NPAT: variants seen among roughly 807,000 people sequenced by gnomAD.
The protein encoded by NPAT is nuclear protein, coactivator of histone transcription, also known as protein NPAT.
In NPAT, 52 loss-of-function variants were observed where a neutral mutation model predicts 130.7. The observed-to-expected ratio is 0.40, with a 90% CI of 0.32 to 0.50. The LOEUF (loss-of-function observed/expected upper bound fraction) is 0.50, where lower values mean the gene tolerates loss of function less well. Among genes scored for constraint, NPAT ranks in the 20% least tolerant of loss-of-function variants. NPAT has a pLI of 0.68. For synonymous variants in NPAT, 580 were observed against 584.8 expected (o/e 0.99, Z 0.12); for missense variants, 1,687 against 1,662.6 (o/e 1.01, Z -0.26).
In NPAT at chr11:108,160,920, A is replaced by C; in HGVS notation, c.4166T>G (p.Leu1389Arg). ...ERNSRPSSKN[L>R]TNSSIPMKKK... ...TTTCATTGGTATTGATGAATTTGTA[A>C]GATTTTTACTAGAAGGACGAGAGTT... is the stretch of plus-strand genomic sequence containing the variant. The change falls in exon 17 of 18, where the codon CTT (leucine) becomes CGT (arginine). Residue 1389 changes from leucine (L) to arginine (R), a missense_variant. Leu to Arg is a moderately radical substitution (Grantham distance 102). This residue lies in a region of NPAT where 1,379 missense variants were observed against 1,346.6 expected (regional missense o/e 1.02). Coordinates refer to ENST00000278612, the MANE Select transcript of NPAT (RefSeq NM_002519.3). 1.2e-6 allele frequency: 2 copies of C among 1,614,094 alleles called. No homozygotes were observed. Among genetic ancestry groups the C allele is most frequent in the Non-Finnish European group, 1.7e-6 (2 of 1,180,010 alleles).
At chr11:108,166,492 G>A (rs1182713108) in intron 15 of NPAT, among the ~76,000 whole-genome samples, 2 of 151,976 alleles carry the variant, frequency 1.3e-5, no homozygotes, top group African/African-American at 4.8e-5. Flanking sequence ...TTTACTTTTA[G>A]GTCTTTAATC....
Position 108,185,511 on chromosome 11 carries a change from C to T in NPAT, c.727-17G>A, listed in dbSNP as rs1187553361. Reference sequence around the variant, plus strand: ...AACCATTTGCTGGAAAAGAAAGCCACTGTTAGCAAAAGGACAATAAAGAGT... The same window carrying T: ...AACCATTTGCTGGAAAAGAAAGCCATTGTTAGCAAAAGGACAATAAAGAGT... On this transcript the variant is annotated splice_polypyrimidine_tract_variant and intron_variant, in intron 8 of 17. Transcript: ENST00000278612. 6.6e-7 allele frequency: 1 copy of T among 1,511,862 alleles called. No homozygotes were observed. Among genetic ancestry groups the T allele is most frequent in the Non-Finnish European group, 9.2e-7 (1 of 1,089,334 alleles). The allele number at this position is 1,511,862 out of a possible 1,614,324, so 93.7% of individuals were successfully genotyped here. A position where few individuals can be genotyped will look rare whatever the true frequency, so the allele number is the denominator to read the frequency against.
At chr11:108,171,124 AT>A (rs63478164) in intron 13 of NPAT, 2,070 of 95,832 alleles carry the variant, frequency 0.022, 12 homozygotes, top group African/African-American at 0.064. Context: ...TGAAAAAAGG[AT>A]TTTTTTTTTT....
chr11:108,197,736 A>AT (rs2078237486), intron 1 of NPAT, among the ~76,000 whole-genome samples: 1 of 152,270 alleles, frequency 6.6e-6, no homozygotes, highest in South Asian at 2.1e-4. Flanking sequence ...CCTCTACTGC[A>AT]TAACTTCCAT....
At chr11:108,212,996 G>A (rs553968447) in intron 1 of NPAT, among the ~76,000 whole-genome samples, 20 of 147,612 alleles carry the variant, frequency 1.4e-4, no homozygotes, top group Non-Finnish European at 2.5e-4. Context: ...CTCCCTGGGC[G>A]GGGCATGGTG....
intron 7 of NPAT, among the ~76,000 whole-genome samples, chr11:108,187,168 T>C (rs1339948662): frequency 1.3e-5 from 2 of 152,224 alleles, no homozygotes; most frequent in Non-Finnish European, 2.9e-5. Flanking sequence ...TGCTCTTTTA[T>C]GGCTGGGCAT....
At chr11:108,217,688 A>C (rs968994048) in intron 1 of NPAT, among the ~76,000 whole-genome samples, 1 of 152,148 alleles carries the variant, frequency 6.6e-6, no homozygotes, top group Non-Finnish European at 1.5e-5. Flanking sequence ...GATGAATGAA[A>C]ATCCAAATAT....
chr11:108,191,408 C>T (rs1000770827), intron 4 of NPAT, among the ~76,000 whole-genome samples: 12 of 152,042 alleles, frequency 7.9e-5, no homozygotes, highest in Admixed American at 2.6e-4. Flanking sequence ...GTCACAGACA[C>T]GGTGCCATTA....
intron 1 of NPAT, among the ~76,000 whole-genome samples, chr11:108,197,665 A>G (rs528753374): frequency 5.3e-5 from 8 of 152,366 alleles, no homozygotes; most frequent in African/African-American, 1.9e-4. Context: ...TGTTTAACAA[A>G]GTATAATTAC....
chr11:108,185,525 A>G, intron 8 of NPAT, 31 bp from the exon 9 acceptor site: 5 of 1,350,482 alleles, frequency 3.7e-6, no homozygotes, highest in Non-Finnish European at 5.3e-6. Flanking sequence ...TAGCAAAAGG[A>G]CAATAAAGAG....
At chr11:108,182,550 T>G (rs1355582815) in intron 10 of NPAT, among the ~76,000 whole-genome samples, 1 of 152,262 alleles carries the variant, frequency 6.6e-6, no homozygotes. Flanking sequence ...TACGCTGGAG[T>G]GCAGTGGCGC....
intron 1 of NPAT, among the ~76,000 whole-genome samples, chr11:108,198,047 A>G (rs1451614732): frequency 6.6e-6 from 1 of 152,194 alleles, no homozygotes. Flanking sequence ...CAAAGCACAC[A>G]CAGACCCCCT....
Position 108,192,164 on chromosome 11 carries a change from T to C in NPAT, c.244A>G (p.Met82Val), listed in dbSNP as rs1157895599. The stretch of plus-strand genomic sequence containing the variant: ...TCCAATTTCTTCCATAGAGATGACA[T>C]TATTGCTGGGACATTATTTGATGTT... ...KETSNNVPAI[M>V]SSLWKKLDHT... The change falls in exon 4 of 18, where the codon ATG (methionine) becomes GTG (valine). Residue 82 changes from methionine (M) to valine (V), a missense_variant. Physicochemically the swap from Met to Val is conservative, Grantham distance 21. Around this residue, in one of 3 missense-constraint regions of NPAT, gnomAD observed 307 missense variants for 298.9 expected, o/e 1.03. Coordinates refer to ENST00000278612, the MANE Select transcript of NPAT (RefSeq NM_002519.3). 2 of 1,606,534 alleles carry C rather than the reference T, an allele frequency of 1.2e-6. No homozygotes were observed. Among genetic ancestry groups the C allele is most frequent in the African/African-American group, 2.7e-5 (2 of 74,728 alleles).
chr11:108,209,761 C>T (rs1052753803), intron 1 of NPAT, among the ~76,000 whole-genome samples: 16 of 151,030 alleles, frequency 1.1e-4, no homozygotes, highest in African/African-American at 2.2e-4. Context: ...TGGTGGCAGT[C>T]GCCTGTAGTC....
chr11:108,213,693 C>A (rs2078405627), intron 1 of NPAT, among the ~76,000 whole-genome samples: 1 of 152,008 alleles, frequency 6.6e-6, no homozygotes, highest in Non-Finnish European at 1.5e-5. Flanking sequence ...CTGGAATAGC[C>A]AAAATAATCT....
Position 108,183,308 on chromosome 11 carries a change from T to TA in NPAT, c.906+1923dup, listed in dbSNP as rs554371413. Among the ~76,000 whole-genome samples, 1,103 of 152,032 alleles carry TA rather than the reference T, an allele frequency of 7.3e-3. 6 individuals carry two copies. Among genetic ancestry groups the TA allele is most frequent in the Non-Finnish European group, 0.011 (751 of 67,948 alleles). On this transcript the variant is annotated intron_variant, in intron 10 of 17. Transcript: ENST00000278612. Reference sequence around the variant, plus strand: ...GGCCCATATTTATTAAGTGGTAAGATAAGAGAGGTTTTTGAAAGAAGTACT... The same window carrying TA: ...GGCCCATATTTATTAAGTGGTAAGATAAAGAGAGGTTTTTGAAAGAAGTACT...
chr11:108,162,234 G>GAGT, intron 15 of NPAT, 54 bp from the exon 16 acceptor site: 1 of 1,482,698 alleles, frequency 6.7e-7, no homozygotes, highest in Non-Finnish European at 9.4e-7. Context: ...TCTGAAAGAG[G>GAGT]ATAGAACAGA....
intron 1 of NPAT, among the ~76,000 whole-genome samples, chr11:108,218,323 A>G (rs2078453162): frequency 6.6e-6 from 1 of 152,198 alleles, no homozygotes; most frequent in Non-Finnish European, 1.5e-5. Flanking sequence ...TCCTAACTAT[A>G]TGAAGGGTAT....
intron 1 of NPAT, among the ~76,000 whole-genome samples, chr11:108,209,888 C>CAAAAA (rs58890849): frequency 4.2e-5 from 3 of 70,808 alleles, no homozygotes; most frequent in Admixed American, 1.7e-4. Context: ...GACTTCATCT[C>CAAAAA]AAAAAAAAAA....
Sources: allele counts gnomAD v4.1 joint callset (sites outside exome capture counted in the v4.1 genomes callset), GRCh38; gene constraint gnomAD v4.1.1; regional missense constraint gnomAD v4.1.1; transcripts MANE v1.5; gene names NCBI Gene and HGNC (gene_info 2026-07-23, HGNC 2026-07-21).